Variants in SNRPD3 observed in about 807,000 individuals in gnomAD.
SNRPD3 encodes small nuclear ribonucleoprotein Sm D3.
For synonymous variants in SNRPD3, 66 were observed against 58.4 expected (o/e 1.13, Z -0.59); for missense variants, 73 against 167.5 (o/e 0.44, Z 3.11).
chr22:24,568,961 G>A (rs551367854), intron 3 of SNRPD3, among the ~76,000 whole-genome samples: 3 of 152,222 alleles, frequency 2.0e-5, no homozygotes, highest in East Asian at 1.9e-4. Context: ...CACCTGCCTC[G>A]GCCCCCTGAA....
chr22:24,560,702 C>T (rs1158022576), intron 2 of SNRPD3, among the ~76,000 whole-genome samples: 1 of 141,404 alleles, frequency 7.1e-6, no homozygotes, highest in Admixed American at 7.3e-5. Context: ...AGGCGTGAGC[C>T]ACTGCACCTG....
chr22:24,557,536 A>G, intron 1 of SNRPD3, 121 bp from the exon 2 acceptor site: 1 of 674,790 alleles, frequency 1.5e-6, no homozygotes, highest in Non-Finnish European at 2.5e-6. Context: ...TTGGTAGAAA[A>G]TGCAGCTTTG....
At chr22:24,555,812 C>G (rs1029821141), upstream of SNRPD3, 1 of 1,547,570 alleles carries the variant, frequency 6.5e-7, no homozygotes, top group Non-Finnish European at 8.7e-7. Context: ...GCGGCGGCCC[C>G]CGGGCCCAGT....
At chr22:24,564,014 T>C (rs527552845) in intron 2 of SNRPD3, among the ~76,000 whole-genome samples, 27 of 152,286 alleles carry the variant, frequency 1.8e-4, no homozygotes, top group Admixed American at 5.2e-4. Context: ...TTTAAACTTA[T>C]CGTATACTTT....
intron 1 of SNRPD3, among the ~76,000 whole-genome samples, chr22:24,557,397 A>G (rs2045085765): frequency 6.6e-6 from 1 of 152,172 alleles, no homozygotes; most frequent in African/African-American, 2.4e-5. Flanking sequence ...CACATGACCC[A>G]TGGGAGATGC....
rs1355570225 is a variant in SNRPD3, at chr22:24,563,275, T to C, written c.127-4709T>C. ...GTATGTATGTATATATGTATGTATA[T>C]ATATGTGTGTGTGTGTGTATATATA... On this transcript the variant is annotated intron_variant, in intron 2 of 3. Coordinates refer to ENST00000215829, the MANE Select transcript of SNRPD3 (RefSeq NM_004175.5). Among the ~76,000 whole-genome samples the C allele has an allele frequency of 6.1e-5, 9 of 147,374 alleles. No homozygotes were observed. In the East Asian group the frequency reaches 1.4e-3, roughly 23 times the overall value.
At chr22:24,555,867 T>C, upstream of SNRPD3, 1 of 1,524,730 alleles carries the variant, frequency 6.6e-7, no homozygotes, top group Non-Finnish European at 8.8e-7. Flanking sequence ...ACTGGTGCCC[T>C]AGTTTCCCAG....
At chr22:24,570,094 T>G (rs1442810753) in intron 3 of SNRPD3, among the ~76,000 whole-genome samples, 8 of 152,190 alleles carry the variant, frequency 5.3e-5, no homozygotes, top group Non-Finnish European at 1.0e-4. Context: ...ATAGACGGGG[T>G]TGGGAAACCC....
Position 24,561,478 on chromosome 22 carries a change from T to A in SNRPD3, c.126+3678T>A. Among the ~76,000 whole-genome samples the A allele has an allele frequency of 1.3e-5, 2 of 152,142 alleles. 1 individual carries two copies. Among genetic ancestry groups the A allele is most frequent in the East Asian group, 3.8e-4 (2 of 5,200 alleles). On this transcript the variant is annotated intron_variant, in intron 2 of 3. Transcript: ENST00000215829. Reference sequence around the variant, plus strand: ...GGATACAATTTAGCCTGTAACAGGATGTAGAGGCCTCACTGGGTCTATCAA... The same window carrying A: ...GGATACAATTTAGCCTGTAACAGGAAGTAGAGGCCTCACTGGGTCTATCAA...
Position 24,564,709 on chromosome 22 carries a change from G to GCAACA in SNRPD3, c.127-3274_127-3270dup, listed in dbSNP as rs2045179150. 3.3e-5 allele frequency among the ~76,000 whole-genome samples: 5 copies of GCAACA among 152,260 alleles called. No homozygotes were observed. In the South Asian group the frequency reaches 1.0e-3, roughly 32 times the overall value. ...CTAGATTAAGTCTTGTCGGACTTAT[G>GCAACA]CAACAGCTTCTGTCAGGAAAGGAGT... On this transcript the variant is annotated intron_variant, in intron 2 of 3. Transcript: ENST00000215829.
chr22:24,560,119 C>CCTTGCTCTTTCACCCAGGCTGCAGT (rs2045119403), intron 2 of SNRPD3, among the ~76,000 whole-genome samples: 2 of 100,256 alleles, frequency 2.0e-5, no homozygotes, highest in South Asian at 3.8e-4. Context: ...TGAGATGGAG[C>CCTTGCTCTTTCACCCAGGCTGCAGT]CTTGCTCTGT....
At chr22:24,558,290 G>C (rs2045100145) in intron 2 of SNRPD3, among the ~76,000 whole-genome samples, 1 of 152,144 alleles carries the variant, frequency 6.6e-6, no homozygotes, top group African/African-American at 2.4e-5. Context: ...GAGATTAAAG[G>C]GCTCATCACT....
At chr22:24,556,164 G>A (rs2045059179) in intron 1 of SNRPD3, 93 bp downstream of exon 1, 1 of 426,190 alleles carries the variant, frequency 2.3e-6, no homozygotes, top group Non-Finnish European at 4.3e-6. Flanking sequence ...GCGGGGCTCG[G>A]GGAGGGAAGA....
At chr22:24,556,131 A>G in intron 1 of SNRPD3, 60 bp downstream of exon 1, 2 of 523,198 alleles carry the variant, frequency 3.8e-6, no homozygotes, top group Middle Eastern at 5.1e-4. Context: ...GGGGCTGGAG[A>G]AAGACTTGCT....
intron 2 of SNRPD3, among the ~76,000 whole-genome samples, chr22:24,560,547 C>G (rs1295509234): frequency 6.8e-6 from 1 of 146,636 alleles, no homozygotes; most frequent in African/African-American, 2.5e-5. Flanking sequence ...TGGGTTCAAG[C>G]ACTTCTCATG....
At chr22:24,564,296 C>G (rs1452990337) in intron 2 of SNRPD3, among the ~76,000 whole-genome samples, 2 of 152,168 alleles carry the variant, frequency 1.3e-5, no homozygotes, top group African/African-American at 4.8e-5. Flanking sequence ...CTAAGAAAGT[C>G]CCACCACTTT....
chr22:24,565,094 AGG>A (rs1421756323), intron 2 of SNRPD3, among the ~76,000 whole-genome samples: 17 of 152,032 alleles, frequency 1.1e-4, no homozygotes, highest in African/African-American at 4.1e-4. Flanking sequence ...TACATTTCCC[AGG>A]CTGGTCTCAA....
chr22:24,563,256 A>ATGTATGTATATGTATG (rs1555892660), intron 2 of SNRPD3, among the ~76,000 whole-genome samples: 4 of 139,470 alleles, frequency 2.9e-5, no homozygotes, highest in African/African-American at 1.1e-4. Flanking sequence ...GTGTGTATGT[A>ATGTATGTATATGTATG]TGTATATATG....
Position 24,557,767 on chromosome 22 carries a change from G to A in SNRPD3, c.93G>A (p.Lys31=). ...ETNTGEVYRG[K]LIEAEDNMNC... is the part of the protein sequence containing the mutation. ...ACACCGGTGAGGTATATCGGGGGAA[G>A]CTCATTGAAGCAGAGGACAACATGA... Residue 31 remains lysine, a synonymous_variant, in exon 2 of 4, where the codon AAG becomes AAA. Transcript: ENST00000215829. 1 of 1,610,302 alleles carries A rather than the reference G, an allele frequency of 6.2e-7. No individual in the cohort carries two copies. The highest frequency in any genetic ancestry group is 8.5e-7 in the Non-Finnish European group (1 of 1,178,564).
Sources: allele counts gnomAD v4.1 joint callset (sites outside exome capture counted in the v4.1 genomes callset), GRCh38; gene constraint gnomAD v4.1.1; transcripts MANE v1.5; gene names NCBI Gene and HGNC (gene_info 2026-07-23, HGNC 2026-07-21).